Variants in GNG4 observed in about 807,000 individuals in gnomAD.
GNG4 encodes the protein G protein subunit gamma 4.
In GNG4, 4 loss-of-function variants were observed where a neutral mutation model predicts 5.8. The observed-to-expected ratio is 0.69, with a 90% CI of 0.34 to 1.57. GNG4 has a LOEUF of 1.57. GNG4 is among the 40% of genes most tolerant of loss of function. The pLI, the probability that GNG4 is intolerant of heterozygous loss-of-function variation, is 0.06. For missense variants in GNG4, 96 were observed against 95.1 expected (o/e 1.01, Z -0.04); for synonymous variants, 29 against 32.9 (o/e 0.88, Z 0.41).
chr1:235,630,616 G>C (rs1314507063), intron 1 of GNG4, among the ~76,000 whole-genome samples: 2 of 152,190 alleles, frequency 1.3e-5, no homozygotes, highest in Non-Finnish European at 2.9e-5. Context: ...CTGTCTGATG[G>C]CTCAAGCTGC....
At chr1:235,631,627 G>A (rs1054423630) in intron 1 of GNG4, among the ~76,000 whole-genome samples, 1 of 151,150 alleles carries the variant, frequency 6.6e-6, no homozygotes, top group African/African-American at 2.4e-5. Context: ...CTAGAGTGCA[G>A]TGGTGCTATC....
chr1:235,628,386 G>A (rs1571921509), intron 1 of GNG4, among the ~76,000 whole-genome samples: 1 of 151,564 alleles, frequency 6.6e-6, no homozygotes. Flanking sequence ...AAGCTGGGGT[G>A]GTTGGGGGCC....
intron 2 of GNG4, among the ~76,000 whole-genome samples, chr1:235,593,673 G>A (rs1688044613): frequency 6.6e-6 from 1 of 152,156 alleles, no homozygotes; most frequent in Non-Finnish European, 1.5e-5. Context: ...CTTACTTCTG[G>A]TGGGTTCATG....
chr1:235,637,721 A>G (rs1280205054), intron 1 of GNG4, among the ~76,000 whole-genome samples: 1 of 152,098 alleles, frequency 6.6e-6, no homozygotes, highest in Non-Finnish European at 1.5e-5. Context: ...ATGTTTGAAC[A>G]TAGGAGAATT....
rs565337487 is a variant in GNG4, at chr1:235,631,357, C to G, written c.-123+18305G>C. 4.6e-5 allele frequency among the ~76,000 whole-genome samples: 7 copies of G among 152,284 alleles called. No homozygotes were observed. In the South Asian group the frequency reaches 1.4e-3, roughly 32 times the overall value. On this transcript the variant is annotated intron_variant, in intron 1 of 3. Transcript: ENST00000391854. ...ATCACCCTCTGCTCGGATAAACTCT[C>G]TAAAATTGTAATGTGCCTAGGTTGA...
intron 1 of GNG4, among the ~76,000 whole-genome samples, chr1:235,632,803 C>T (rs1344703933): frequency 1.3e-5 from 2 of 151,546 alleles, no homozygotes; most frequent in Admixed American, 6.6e-5. Context: ...CTTAATGGCT[C>T]GATTCTGAAA....
At chr1:235,578,442 G>A (rs1032190625) in intron 3 of GNG4, among the ~76,000 whole-genome samples, 1 of 152,182 alleles carries the variant, frequency 6.6e-6, no homozygotes, top group East Asian at 1.9e-4. Flanking sequence ...CCGAGGAGAC[G>A]AAATCAGTAT....
intron 1 of GNG4, among the ~76,000 whole-genome samples, chr1:235,643,418 G>A (rs1657396266): frequency 1.3e-5 from 2 of 152,204 alleles, no homozygotes; most frequent in Non-Finnish European, 2.9e-5. Flanking sequence ...CCCTGTCTGT[G>A]CACTAATCCA....
intron 1 of GNG4, among the ~76,000 whole-genome samples, chr1:235,617,193 T>G (rs1688608574): frequency 6.6e-6 from 1 of 152,176 alleles, no homozygotes; most frequent in Non-Finnish European, 1.5e-5. Flanking sequence ...CTGGCCAGTT[T>G]TGAAACAGGT....
intron 1 of GNG4, among the ~76,000 whole-genome samples, chr1:235,620,928 C>T (rs1005231187): frequency 2.6e-5 from 4 of 152,178 alleles, no homozygotes; most frequent in African/African-American, 9.6e-5. Flanking sequence ...TAGCTTCAAC[C>T]TCTTTCTGGA....
At chr1:235,596,529 A>G (rs1262018603) in intron 1 of GNG4, among the ~76,000 whole-genome samples, 1 of 152,224 alleles carries the variant, frequency 6.6e-6, no homozygotes, top group Non-Finnish European at 1.5e-5. Flanking sequence ...AAACAAAACA[A>G]AAAAACACCT....
At position 235,642,299 on chromosome 1, in the gene GNG4, C is replaced by T. The variant is rs375855043; in HGVS notation, c.-123+7363G>A. On this transcript the variant is annotated intron_variant, in intron 1 of 3. Coordinates refer to ENST00000391854, the MANE Select transcript of GNG4 (RefSeq NM_001098722.2). This position sits in a 1 kb window ranked among gnomAD's most constrained non-coding sequence, Gnocchi z 4.3. ...CAGGGCCAAGGCCAGCCCTCCGCCT[C>T]GAGGCCACTGGTGCTTGGGGGTGGG... is the stretch of plus-strand genomic sequence containing the variant. Among the ~76,000 whole-genome samples, 1 of 152,144 alleles carries T rather than the reference C, an allele frequency of 6.6e-6. No homozygotes were observed. The highest frequency in any genetic ancestry group is 1.9e-4 in the East Asian group (1 of 5,184).
intron 1 of GNG4, among the ~76,000 whole-genome samples, chr1:235,645,572 T>C (rs1188090263): frequency 6.6e-6 from 1 of 151,954 alleles, no homozygotes; most frequent in Non-Finnish European, 1.5e-5. Flanking sequence ...CCGAGTCAGG[T>C]GGATCACCTG....
intron 1 of GNG4, among the ~76,000 whole-genome samples, chr1:235,624,173 G>C (rs1438092051): frequency 1.3e-5 from 2 of 151,568 alleles, no homozygotes; most frequent in African/African-American, 4.9e-5. Flanking sequence ...CGTGATCTTG[G>C]CTCACTGCAA....
intron 3 of GNG4, among the ~76,000 whole-genome samples, chr1:235,565,482 CT>C (rs1327107566): frequency 5.9e-5 from 9 of 152,240 alleles, no homozygotes; most frequent in Admixed American, 2.0e-4. Flanking sequence ...CTAGCCTGGG[CT>C]TGTGACAGAG....
chr1:235,637,116 G>A (rs1657123331), intron 1 of GNG4, among the ~76,000 whole-genome samples: 1 of 151,794 alleles, frequency 6.6e-6, no homozygotes, highest in Non-Finnish European at 1.5e-5. Flanking sequence ...AGTGGACAGG[G>A]TACATGAATG....
rs368120669 is a variant in GNG4 at position 235,592,052 on chromosome 1, A to G, written c.-11+3348T>C. ...AATAGCCAAGGAAGCTAGAATTACG[A>G]GATGTTTGGTTTCCCTATAGAAACT... On this transcript the variant is annotated intron_variant, in intron 2 of 3. Transcript: ENST00000391854. Among the ~76,000 whole-genome samples, 5 of 152,348 alleles carry G rather than the reference A, an allele frequency of 3.3e-5. No homozygotes were observed. The South Asian group carries it at 8.3e-4, about 25-fold the overall frequency.
intron 1 of GNG4, among the ~76,000 whole-genome samples, chr1:235,601,364 T>G (rs1186819585): frequency 6.6e-6 from 1 of 152,172 alleles, no homozygotes; most frequent in South Asian, 2.1e-4. Context: ...AGGGGCGCCA[T>G]GGACTGCTGG....
chr1:235,604,955 G>A (rs564852993), intron 1 of GNG4, among the ~76,000 whole-genome samples: 1 of 152,148 alleles, frequency 6.6e-6, no homozygotes, highest in Non-Finnish European at 1.5e-5. Context: ...TCAGGGTGAT[G>A]GGAGCATGAA....
Sources: allele counts gnomAD v4.1 joint callset (sites outside exome capture counted in the v4.1 genomes callset), GRCh38; gene constraint gnomAD v4.1.1; non-coding constraint Gnocchi (gnomAD v3.1); transcripts MANE v1.5; gene names NCBI Gene and HGNC (gene_info 2026-07-23, HGNC 2026-07-21).